The following POC1A variants were observed in gnomAD, a reference collection of about 807,000 sequenced individuals.
The protein encoded by POC1A is POC1 centriolar protein A.
In POC1A, 34 loss-of-function variants were observed where a neutral mutation model predicts 47.8. The observed-to-expected ratio is 0.71, with a 90% CI of 0.54 to 0.95. POC1A has a LOEUF of 0.95. POC1A is among the 40% of genes least tolerant of loss of function. The probability of loss-of-function intolerance (pLI) is 0.00; values close to 1 mark genes in which losing one functional copy is unlikely to be tolerated. For synonymous variants in POC1A, 177 were observed against 207.6 expected, an observed-to-expected ratio of 0.85 and a Z score of 1.27; for missense variants, 466 against 528.3, an observed-to-expected ratio of 0.88 and a Z score of 1.16.
intron 9 of POC1A, among the ~76,000 whole-genome samples, chr3:52,113,992 A>C (rs1559828507): frequency 1.3e-5 from 2 of 152,214 alleles, no homozygotes; most frequent in Non-Finnish European, 1.5e-5. Flanking sequence ...TGCACAAAGG[A>C]TGCAATGCAG....
rs1702609542 is a variant in POC1A, at chr3:52,090,540, C to T, written c.1125+6029G>A. 6.6e-6 allele frequency among the ~76,000 whole-genome samples: 1 copy of T among 152,012 alleles called. No individual in the cohort carries two copies. The highest frequency in any genetic ancestry group is 2.4e-5 in the African/African-American group (1 of 41,356). On this transcript the variant is annotated intron_variant, in intron 10 of 10. Coordinates refer to ENST00000296484, the MANE Select transcript of POC1A (RefSeq NM_015426.5). This position sits in a 1 kb window ranked among gnomAD's most constrained non-coding sequence, Gnocchi z 4.2. ...TGTTACTCCTGAGGGCAGCTGAGCA[C>T]TGTGCAGCAGCCCTCTGGCCTCTTG...
intron 1 of POC1A, among the ~76,000 whole-genome samples, chr3:52,153,377 C>A (rs1279678340): frequency 6.6e-6 from 1 of 152,246 alleles, no homozygotes; most frequent in Non-Finnish European, 1.5e-5. Context: ...CCTTGGGGCA[C>A]AGCAAAGCCA....
intron 10 of POC1A, among the ~76,000 whole-genome samples, chr3:52,088,533 C>T (rs1453943113): frequency 6.6e-6 from 1 of 152,142 alleles, no homozygotes; most frequent in African/African-American, 2.4e-5. Flanking sequence ...TACAGCCCTT[C>T]CTGGCCCTGC....
intron 10 of POC1A, 86 bp downstream of exon 10, chr3:52,096,483 A>C (rs1577827123): frequency 1.7e-6 from 2 of 1,146,744 alleles, no homozygotes; most frequent in East Asian, 5.5e-5. Context: ...TTAAAAATCC[A>C]GCACCTGTTG....
In POC1A at chr3:52,151,020, C is replaced by A. The variant is rs1241106513; in HGVS notation, c.99G>T (p.Gln33His). The change falls in exon 2 of 11, where the codon CAG (glutamine) becomes CAT (histidine). Residue 33 changes from glutamine (Q) to histidine (H), a missense_variant. Coordinates refer to ENST00000296484, the MANE Select transcript of POC1A (RefSeq NM_015426.5). Reference protein sequence around the residue: ...TCVDFSINTKQLASGSMDSCL... With the variant: ...TCVDFSINTKHLASGSMDSCL... ...AGACAGGGTGCCTCTTCTTACCCAG[C>A]TGCTTTGTGTTGATACTGAAGTCCA... 6.2e-7 allele frequency: 1 copy of A among 1,613,740 alleles called. No homozygotes were observed. The highest frequency in any genetic ancestry group is 1.1e-5 in the South Asian group (1 of 91,076).
chr3:52,103,628 T>C (rs944606970), intron 9 of POC1A, among the ~76,000 whole-genome samples: 56 of 152,324 alleles, frequency 3.7e-4, no homozygotes, highest in African/African-American at 1.3e-3. Flanking sequence ...GGGTTGGGTA[T>C]ATTCCTTAGA....
chr3:52,107,270 C>A (rs911553446), intron 9 of POC1A, among the ~76,000 whole-genome samples: 1 of 152,190 alleles, frequency 6.6e-6, no homozygotes, highest in African/African-American at 2.4e-5. Flanking sequence ...GGGTGTGGGG[C>A]AGCAAGGTGG....
chr3:52,151,891 GA>G (rs565939669), intron 1 of POC1A, among the ~76,000 whole-genome samples: 217 of 131,626 alleles, frequency 1.6e-3, no homozygotes, highest in Middle Eastern at 0.012. Context: ...AAGACACCCA[GA>G]AAAAAAAAAA....
intron 7 of POC1A, among the ~76,000 whole-genome samples, chr3:52,131,854 C>T (rs1424572122): frequency 2.0e-5 from 3 of 152,108 alleles, no homozygotes; most frequent in Non-Finnish European, 4.4e-5. Context: ...AGAGGAAACG[C>T]GCGCCTCCAA....
At chr3:52,151,177 A>G (rs1698543225) in intron 1 of POC1A, 77 bp from the exon 2 acceptor site, 1 of 1,600,302 alleles carries the variant, frequency 6.2e-7, no homozygotes, top group Non-Finnish European at 8.5e-7. Flanking sequence ...TCTTCCTACA[A>G]CAGCCGGGGG....
intron 9 of POC1A, among the ~76,000 whole-genome samples, chr3:52,104,049 G>A (rs1331122926): frequency 6.6e-6 from 1 of 152,176 alleles, no homozygotes; most frequent in Non-Finnish European, 1.5e-5. Context: ...GAACGTTCAT[G>A]GCAGCTTTAT....
At chr3:52,141,187 G>A (rs926169448) in intron 6 of POC1A, among the ~76,000 whole-genome samples, 1 of 152,214 alleles carries the variant, frequency 6.6e-6, no homozygotes. Context: ...ACTAGTCATG[G>A]CTTGTGGGCA....
intron 9 of POC1A, among the ~76,000 whole-genome samples, chr3:52,097,310 T>C (rs867554443): frequency 6.6e-6 from 1 of 152,288 alleles, no homozygotes; most frequent in Middle Eastern, 3.4e-3. Context: ...AAGATTTCTG[T>C]GTGCATGTCC....
chr3:52,104,024 G>A (rs1444614876), intron 9 of POC1A, among the ~76,000 whole-genome samples: 1 of 152,154 alleles, frequency 6.6e-6, no homozygotes, highest in African/African-American at 2.4e-5. Flanking sequence ...TATTTCCATA[G>A]AAAAATATGT....
chr3:52,110,538 C>T (rs907549369), intron 9 of POC1A, among the ~76,000 whole-genome samples: 1 of 152,214 alleles, frequency 6.6e-6, no homozygotes, highest in Non-Finnish European at 1.5e-5. Flanking sequence ...AAGAAAGATC[C>T]TTAAATGCCA....
intron 1 of POC1A, among the ~76,000 whole-genome samples, chr3:52,152,665 C>A (rs1377503676): frequency 6.6e-6 from 1 of 152,098 alleles, no homozygotes; most frequent in South Asian, 2.1e-4. Context: ...TAGGTAAATA[C>A]CCCAAAGAGT....
chr3:52,148,770 C>A (rs879279444), intron 4 of POC1A, among the ~76,000 whole-genome samples: 13 of 152,238 alleles, frequency 8.5e-5, no homozygotes, highest in Non-Finnish European at 1.9e-4. Flanking sequence ...ACAGACCCAC[C>A]GTGTGCTCTG....
At chr3:52,083,951 A>G (rs1702379978) in intron 10 of POC1A, among the ~76,000 whole-genome samples, 2 of 152,242 alleles carry the variant, frequency 1.3e-5, no homozygotes, top group African/African-American at 4.8e-5. Context: ...GTGGTTGAGC[A>G]GGGAAGAGAT....
chr3:52,086,476 C>G (rs1702459149), intron 10 of POC1A, among the ~76,000 whole-genome samples: 1 of 152,346 alleles, frequency 6.6e-6, no homozygotes, highest in Non-Finnish European at 1.5e-5. Flanking sequence ...CATGAGCTAT[C>G]AAAACAAAGC....
Sources: gnomAD v4.1 joint callset for allele counts (sites outside exome capture counted in the v4.1 genomes callset) on GRCh38, gnomAD v4.1.1 for gene constraint, Gnocchi (gnomAD v3.1) non-coding constraint, MANE v1.5 for transcripts, NCBI Gene and HGNC (gene_info 2026-07-23, HGNC 2026-07-21) for gene names.